Variants in IQSEC2 observed in about 807,000 individuals in gnomAD.
The protein encoded by IQSEC2 is IQ motif and SEC7 domain-containing protein 2.
Under a neutral mutation model 74.6 loss-of-function variants are expected in IQSEC2, and 6 were observed. That is an observed-to-expected ratio of 0.08 (90% CI 0.04 to 0.16). The LOEUF (loss-of-function observed/expected upper bound fraction) is 0.16. IQSEC2 is among the 10% of genes least tolerant of loss of function. The pLI is 1.00. For missense variants in IQSEC2, 734 were observed against 1,306.2 expected (o/e 0.56, Z 6.75); for synonymous variants, 494 against 544.5 (o/e 0.91, Z 1.29).
chrX:53,300,127 C>CTTCAG (rs1236994200), intron 1 of IQSEC2, among the ~76,000 whole-genome samples: 23 of 111,634 alleles, frequency 2.1e-4, no homozygotes, highest in Admixed American at 9.6e-5. Context: ...GAGGATGTAC[C>CTTCAG]TTCAGTACCT....
At chrX:53,301,366 T>C (rs17002615) in intron 1 of IQSEC2, among the ~76,000 whole-genome samples, 14,936 of 110,697 alleles carry the variant, frequency 0.13, 2,174 homozygotes, top group African/African-American at 0.44. Flanking sequence ...ATCACAATCT[T>C]ATGGGTTGTA....
chrX:53,279,410 T>C (rs781972290), intron 2 of IQSEC2: 1 of 432,007 alleles, frequency 2.3e-6, no homozygotes, highest in Non-Finnish European at 4.0e-6. Flanking sequence ...CTCTTTGGTC[T>C]GCTGACCTGA....
chrX:53,289,388 G>T (rs187779528), intron 2 of IQSEC2, among the ~76,000 whole-genome samples: 1 of 110,748 alleles, frequency 9.0e-6, no homozygotes, highest in Non-Finnish European at 1.9e-5. Context: ...GTCCTGACCC[G>T]CGTTCTGACC....
At chrX:53,313,591 C>T (rs1556878440) in intron 1 of IQSEC2, among the ~76,000 whole-genome samples, 1 of 112,122 alleles carries the variant, frequency 8.9e-6, no homozygotes, top group Non-Finnish European at 1.9e-5. Context: ...TCCCCATGAC[C>T]AATGTTTATG....
chrX:53,302,935 G>C (rs1011448752), intron 1 of IQSEC2, among the ~76,000 whole-genome samples: 11 of 111,828 alleles, frequency 9.8e-5, no homozygotes, highest in African/African-American at 3.6e-4. Flanking sequence ...GGGCATGATG[G>C]TGTGTGCCTA....
Position 53,319,993 on chromosome X carries a change from G to GAA in IQSEC2, c.707+422_707+423dup, listed in dbSNP as rs1352354372. On this transcript the variant is annotated intron_variant, in intron 1 of 14. Coordinates refer to ENST00000642864, the MANE Select transcript of IQSEC2 (RefSeq NM_001111125.3). ...GAAAAGATCAGGCAAAAAGAAAAAG[G>GAA]AAAAAAAAAAAAAGGCGGGGGTGGG... 9.0e-3 allele frequency among the ~76,000 whole-genome samples: 221 copies of GAA among 24,601 alleles called. 1 individual carries two copies. Among genetic ancestry groups the GAA allele is most frequent in the African/African-American group, 0.029 (208 of 7,245 alleles). 21.4% of individuals were successfully genotyped at this position (24,601 alleles called of 115,157 possible). A position where few individuals can be genotyped will look rare whatever the true frequency, so the allele number is the denominator to read the frequency against.
intron 4 of IQSEC2, 103 bp downstream of exon 4, chrX:53,254,427 T>G (rs1416391391): frequency 2.9e-5 from 22 of 757,269 alleles, no homozygotes; most frequent in Non-Finnish European, 3.2e-5. Flanking sequence ...TGTTATTAAA[T>G]GCCTGTCACG....
At chrX:53,240,347 A>G (rs2074199152) in intron 10 of IQSEC2, among the ~76,000 whole-genome samples, 1 of 112,153 alleles carries the variant, frequency 8.9e-6, no homozygotes. Context: ...AACATCCTAC[A>G]GTGCACAGGA....
At chrX:53,303,363 C>T (rs782005664) in intron 1 of IQSEC2, among the ~76,000 whole-genome samples, 20 of 111,176 alleles carry the variant, frequency 1.8e-4, no homozygotes, top group Admixed American at 1.7e-3. Context: ...GGAGCTGTAG[C>T]CTTACCCAAA....
intron 2 of IQSEC2, among the ~76,000 whole-genome samples, chrX:53,270,821 C>A (rs2147201970): frequency 9.0e-6 from 1 of 110,630 alleles, no homozygotes; most frequent in Non-Finnish European, 1.9e-5. Flanking sequence ...ACCTCCTCCT[C>A]TCTCCCCGGT....
chrX:53,239,129 G>C, intron 11 of IQSEC2, 66 bp downstream of exon 11: 4 of 849,233 alleles, frequency 4.7e-6, no homozygotes, highest in Non-Finnish European at 7.0e-6. Flanking sequence ...AGCTGGTATA[G>C]ATGACGGGTG....
intron 11 of IQSEC2, among the ~76,000 whole-genome samples, chrX:53,238,916 C>G (rs1556860311): frequency 9.0e-6 from 1 of 110,909 alleles, no homozygotes; most frequent in East Asian, 2.8e-4. Context: ...AACAAAGCTC[C>G]TCCTGGTTCA....
intron 1 of IQSEC2, among the ~76,000 whole-genome samples, chrX:53,318,933 C>A (rs1254899647): frequency 1.8e-5 from 2 of 113,083 alleles, no homozygotes; most frequent in Non-Finnish European, 3.7e-5. Flanking sequence ...TCCTCCCGGA[C>A]TGAGCTCGCA....
At chrX:53,314,065 C>T (rs1286951450) in intron 1 of IQSEC2, among the ~76,000 whole-genome samples, 1 of 111,960 alleles carries the variant, frequency 8.9e-6, no homozygotes, top group African/African-American at 3.3e-5. Flanking sequence ...AATCATAGTT[C>T]ACTGTAACCT....
At chrX:53,241,987 C>A in intron 9 of IQSEC2, 78 bp from the exon 10 acceptor site, 1 of 1,128,548 alleles carries the variant, frequency 8.9e-7, no homozygotes, top group East Asian at 3.2e-5. Context: ...AACTTTCAAC[C>A]GCAAGAAGTT....
intron 2 of IQSEC2, among the ~76,000 whole-genome samples, chrX:53,275,934 C>G (rs11091725): frequency 0.11 from 11,659 of 107,895 alleles, 635 homozygotes; most frequent in East Asian, 0.36. Flanking sequence ...ATCTCCTGAC[C>G]TCGTGATCAG....
In IQSEC2 at chrX:53,242,498, T is replaced by C. The variant is rs1372794689; in HGVS notation, c.2890-589A>G. Among the ~76,000 whole-genome samples the C allele has an allele frequency of 3.7e-5, 4 of 108,082 alleles. No individual in the cohort carries two copies. In the Admixed American group the frequency reaches 3.9e-4, roughly 11 times the overall value. 93.9% of individuals were successfully genotyped at this position (108,082 alleles called of 115,157 possible). A position where few individuals can be genotyped will look rare whatever the true frequency, so the allele number is the denominator to read the frequency against. On this transcript the variant is annotated intron_variant, in intron 9 of 14. Coordinates refer to ENST00000642864, the MANE Select transcript of IQSEC2 (RefSeq NM_001111125.3). ...ATGATCTCTTCCAAGAAGCCTTCCC[T>C]GATTTCTCCAGGCTGAAAATGGTCT...
At chrX:53,293,187 G>C (rs1179921934) in intron 1 of IQSEC2, among the ~76,000 whole-genome samples, 2 of 112,257 alleles carry the variant, frequency 1.8e-5, no homozygotes, top group Non-Finnish European at 3.8e-5. Context: ...CAAGCATCAG[G>C]GTGCTGCAAC....
chrX:53,265,112 A>G (rs1253282021), intron 2 of IQSEC2, among the ~76,000 whole-genome samples: 1 of 110,412 alleles, frequency 9.1e-6, no homozygotes, highest in African/African-American at 3.3e-5. Flanking sequence ...CAGGTCTTAT[A>G]CCCAGTAAGG....
Sources: gnomAD v4.1 joint callset for allele counts (sites outside exome capture counted in the v4.1 genomes callset) on GRCh38, gnomAD v4.1.1 for gene constraint, MANE v1.5 for transcripts, NCBI Gene and HGNC (gene_info 2026-07-23, HGNC 2026-07-21) for gene names.